Variants in SEC23B observed in about 807,000 individuals in gnomAD.
The protein encoded by SEC23B is SEC23 homolog B, COPII component.
In SEC23B, 77 loss-of-function variants were observed where a neutral mutation model predicts 104.3. That is an observed-to-expected ratio of 0.74 (90% CI 0.61 to 0.89). The LOEUF is 0.89. SEC23B is among the 40% of genes least tolerant of loss of function. The pLI is 0.00. For missense variants in SEC23B, 885 were observed against 949.4 expected (o/e 0.93, Z 0.89); for synonymous variants, 338 against 332.5 (o/e 1.02, Z -0.18).
intron 16 of SEC23B, among the ~76,000 whole-genome samples, chr20:18,550,075 AAT>A (rs779574289): frequency 6.7e-6 from 1 of 148,218 alleles, no homozygotes; most frequent in Admixed American, 6.7e-5. Flanking sequence ...TATGTATATA[AAT>A]ATATATGTAT....
Position 18,525,888 on chromosome 20 carries a change from C to CGATCCACTGGTGTGGCTTTGTCCA in SEC23B, c.791_814dup (p.Arg264_Ser271dup), listed in dbSNP as rs2060129460. 1 of 1,614,030 alleles carries CGATCCACTGGTGTGGCTTTGTCCA rather than the reference C, an allele frequency of 6.2e-7. No homozygotes were observed. On this transcript the variant is annotated inframe_insertion, in exon 7 of 20. Coordinates refer to ENST00000650089, the MANE Select transcript of SEC23B (RefSeq NM_006363.6). ...AGTAACTCAGGGGAAGAGACCTTTG[C>CGATCCACTGGTGTGGCTTTGTCCA]GATCCACTGGTGTGGCTTTGTCCAT...
Position 18,542,286 on chromosome 20 carries a change from C to T in SEC23B, c.1405-10C>T. The T allele has an allele frequency of 6.2e-7, 1 of 1,613,094 alleles. No individual in the cohort carries two copies. ...TATAACAGACAAGGTTATGGCCTCT[C>T]ATCCTACAGCACAACACCCCGATCC... On this transcript the variant is annotated splice_polypyrimidine_tract_variant and intron_variant, in intron 12 of 19. Coordinates refer to ENST00000650089, the MANE Select transcript of SEC23B (RefSeq NM_006363.6).
chr20:18,538,776 A>G (rs1023733306), intron 12 of SEC23B, among the ~76,000 whole-genome samples: 1 of 152,188 alleles, frequency 6.6e-6, no homozygotes. Flanking sequence ...CAGCATCTGC[A>G]TGAGGAGTAG....
chr20:18,530,433 C>T (rs898638858), intron 9 of SEC23B, among the ~76,000 whole-genome samples: 2 of 151,968 alleles, frequency 1.3e-5, no homozygotes, highest in Non-Finnish European at 2.9e-5. Context: ...TGGGGTTTCA[C>T]GATGTTGGCT....
At chr20:18,547,183 A>G (rs1472072258) in intron 15 of SEC23B, among the ~76,000 whole-genome samples, 1 of 152,106 alleles carries the variant, frequency 6.6e-6, no homozygotes, top group East Asian at 1.9e-4. Flanking sequence ...CTCTAGAGCC[A>G]GGCGGCCAGG....
intron 1 of SEC23B, among the ~76,000 whole-genome samples, chr20:18,509,203 A>G (rs1164066228): frequency 1.3e-5 from 2 of 152,222 alleles, no homozygotes; most frequent in African/African-American, 4.8e-5. Flanking sequence ...TGCCGTTGCC[A>G]GAAATAAACA....
At chr20:18,528,319 T>C (rs762293258) in intron 9 of SEC23B, among the ~76,000 whole-genome samples, 1 of 152,224 alleles carries the variant, frequency 6.6e-6, no homozygotes, top group Non-Finnish European at 1.5e-5. Context: ...AGCTACACTT[T>C]CTTTAGGTCT....
At chr20:18,553,266 GC>G (rs1178579196) in intron 17 of SEC23B, among the ~76,000 whole-genome samples, 3 of 152,200 alleles carry the variant, frequency 2.0e-5, no homozygotes, top group African/African-American at 7.2e-5. Flanking sequence ...TTTCCCATAG[GC>G]CAACAGTCAA....
intron 6 of SEC23B, 112 bp from the exon 7 acceptor site, chr20:18,525,676 C>T (rs536670600): frequency 1.8e-6 from 2 of 1,141,372 alleles, no homozygotes; most frequent in East Asian, 4.9e-5. Context: ...AATTACCAGT[C>T]AGTTACTACT....
At chr20:18,555,987 G>A (rs566149006) in intron 19 of SEC23B, among the ~76,000 whole-genome samples, 4 of 151,218 alleles carry the variant, frequency 2.6e-5, no homozygotes, top group Non-Finnish European at 4.4e-5. Context: ...TGGGGGTGAC[G>A]GGAGACGGTG....
At chr20:18,534,890 G>T (rs1010051815) in intron 11 of SEC23B, among the ~76,000 whole-genome samples, 3 of 152,122 alleles carry the variant, frequency 2.0e-5, no homozygotes, top group Non-Finnish European at 4.4e-5. Flanking sequence ...AGGCAAGAAG[G>T]GGAGGCATGA....
At chr20:18,517,219 A>C in intron 4 of SEC23B, among the ~76,000 whole-genome samples, 1 of 152,220 alleles carries the variant, frequency 6.6e-6, no homozygotes, top group East Asian at 1.9e-4. Flanking sequence ...AGTCCGAAAA[A>C]GGAGTCAGCA....
chr20:18,520,450 G>A (rs573948245), intron 4 of SEC23B, among the ~76,000 whole-genome samples: 4 of 152,072 alleles, frequency 2.6e-5, no homozygotes, highest in Non-Finnish European at 5.9e-5. Flanking sequence ...GTTAAGGTTG[G>A]GGGGTACAAG....
chr20:18,549,257 A>T (rs76649147), intron 16 of SEC23B, among the ~76,000 whole-genome samples: 14,363 of 152,264 alleles, frequency 0.094, 863 homozygotes, highest in East Asian at 0.27. Flanking sequence ...GAATTCTTAG[A>T]TACTCAAGTT....
In SEC23B at chr20:18,536,790, A is replaced by T. The variant is rs186642350; in HGVS notation, c.1404+1048A>T. On this transcript the variant is annotated intron_variant, in intron 12 of 19. Coordinates refer to ENST00000650089, the MANE Select transcript of SEC23B (RefSeq NM_006363.6). ...GAACCTGACCGATAACAGTTGATTA[A>T]CACATATTTTGTAAGTAATATATAT... Among the ~76,000 whole-genome samples, 157 of 152,352 alleles carry T rather than the reference A, an allele frequency of 1.0e-3. 1 individual carries two copies. Among genetic ancestry groups the T allele is most frequent in the African/African-American group, 3.4e-3 (141 of 41,578 alleles).
chr20:18,549,104 A>T (rs1486551078), intron 16 of SEC23B, among the ~76,000 whole-genome samples: 1 of 152,186 alleles, frequency 6.6e-6, no homozygotes, highest in Non-Finnish European at 1.5e-5. Context: ...TGCCAAAAAA[A>T]AAAATAGTAA....
chr20:18,520,972 G>T (rs775956477), intron 4 of SEC23B, among the ~76,000 whole-genome samples: 5 of 152,234 alleles, frequency 3.3e-5, no homozygotes, highest in African/African-American at 1.2e-4. Context: ...TTTCAGTGGG[G>T]TCCCGCACAG....
rs74400194 is a variant in SEC23B at position 18,524,931 on chromosome 20, T to A, written c.604-4T>A. On this transcript the variant is annotated splice_region_variant and splice_polypyrimidine_tract_variant and intron_variant, in intron 5 of 19. Coordinates refer to ENST00000650089, the MANE Select transcript of SEC23B (RefSeq NM_006363.6). ...TGAATCTTTTTGGCTTTTTTTTTTTTAAGGATATGTTGGGCCTGACCAAGC... is the reference window on the plus strand; with the variant it reads ...TGAATCTTTTTGGCTTTTTTTTTTTAAAGGATATGTTGGGCCTGACCAAGC... 1.9e-6 allele frequency: 3 copies of A among 1,612,582 alleles called. No homozygotes were observed. Among genetic ancestry groups the A allele is most frequent in the Non-Finnish European group, 2.5e-6 (3 of 1,179,058 alleles).
At chr20:18,544,669 G>C (rs1281535713) in intron 14 of SEC23B, among the ~76,000 whole-genome samples, 1 of 152,192 alleles carries the variant, frequency 6.6e-6, no homozygotes, top group Non-Finnish European at 1.5e-5. Flanking sequence ...TTAAGCGGGG[G>C]TTTGATGTCA....
Sources: gnomAD v4.1 joint callset for allele counts (sites outside exome capture counted in the v4.1 genomes callset) on GRCh38, gnomAD v4.1.1 for gene constraint, MANE v1.5 for transcripts, NCBI Gene and HGNC (gene_info 2026-07-23, HGNC 2026-07-21) for gene names.